ZNF445: variants seen among roughly 807,000 people sequenced by gnomAD.
The protein encoded by ZNF445 is zinc finger protein 168.
ZNF445 carries 19 observed loss-of-function variants against 93.9 expected under a neutral mutation model. The ratio of observed to expected loss-of-function variants is 0.20; its 90% CI spans 0.14 to 0.30. The LOEUF (loss-of-function observed/expected upper bound fraction) is 0.30, where lower values mean the gene tolerates loss of function less well. Ranked by LOEUF, ZNF445 falls within the 10% of genes least tolerant of loss-of-function variation. ZNF445 has a pLI of 1.00. For synonymous variants in ZNF445, 449 were observed against 446.3 expected, an observed-to-expected ratio of 1.01 and a Z score of -0.08; for missense variants, 1,058 against 1,259.4, an observed-to-expected ratio of 0.84 and a Z score of 2.42.
At chr3:44,454,810 C>A (rs191589767) in intron 3 of ZNF445, 2 of 376,556 alleles carry the variant, frequency 5.3e-6, no homozygotes, top group East Asian at 1.2e-4. Flanking sequence ...CTCAAGCAAT[C>A]CTCCCACCTC....
chr3:44,453,901 T>A (rs1156720612), intron 3 of ZNF445, among the ~76,000 whole-genome samples: 1 of 151,908 alleles, frequency 6.6e-6, no homozygotes, highest in Non-Finnish European at 1.5e-5. Context: ...GATGTTGAGG[T>A]TGTGGAATGA....
At chr3:44,456,750 G>A (rs537004925) in intron 2 of ZNF445, among the ~76,000 whole-genome samples, 9 of 152,124 alleles carry the variant, frequency 5.9e-5, no homozygotes, top group Admixed American at 2.0e-4. Context: ...TTGATTTTAC[G>A]ACCCAACAAT....
rs961543843 is a variant in ZNF445 at position 44,432,335 on chromosome 3, A to G, written c.*14240T>C. 4 of 151,910 alleles carry G rather than the reference A, an allele frequency of 2.6e-5. No homozygotes were observed. The highest frequency in any genetic ancestry group is 9.7e-5 in the African/African-American group (4 of 41,096). 9.4% of individuals were successfully genotyped at this position (151,910 alleles called of 1,614,324 possible). ...GATGGAGATAGAGAGAGAGGGATTT[A>G]TGAATTTATGATAAGGAATTGGCTT... On this transcript the variant is annotated 3_prime_UTR_variant, in exon 8 of 8. Transcript: ENST00000396077.
Position 44,447,281 on chromosome 3 carries a change from T to C in ZNF445, c.2390A>G (p.Lys797Arg), listed in dbSNP as rs899771493. The C allele has an allele frequency of 6.2e-7, 1 of 1,614,168 alleles. No homozygotes were observed. The highest frequency in any genetic ancestry group is 1.6e-4 in the Middle Eastern group (1 of 6,062). The change falls in exon 8 of 8, where the codon AAA becomes AGA. Residue 797 changes from lysine to arginine, a missense_variant. Transcript: ENST00000396077. The surrounding 1 kb of genome is among the most constrained non-coding windows in gnomAD (Gnocchi z 4.7). The part of the protein sequence containing the change: ...EKPYKCRECG[K>R]AFRWSSNLYR... Reference sequence around the variant, plus strand: ...GAGATTGGAACTCCATCTGAAGGCTTTCCCACACTCCCTGCACTTATATGG... The same window carrying C: ...GAGATTGGAACTCCATCTGAAGGCTCTCCCACACTCCCTGCACTTATATGG...
At position 44,446,228 on chromosome 3, in the gene ZNF445, T is replaced by C. The variant is rs1697875549; in HGVS notation, c.*347A>G. 3.6e-6 allele frequency: 1 copy of C among 274,236 alleles called. No homozygotes were observed. Among genetic ancestry groups the C allele is most frequent in the South Asian group, 4.6e-5 (1 of 21,964 alleles). The allele number at this position is 274,236 out of a possible 1,614,324, so 17.0% of individuals were successfully genotyped here. ...GCCCCTTTCCAGCAGCCATAGCCCA[T>C]GATGCCACAGATATTCTGTCCAACC... is the stretch of plus-strand genomic sequence containing the variant. On this transcript the variant is annotated 3_prime_UTR_variant, in exon 8 of 8. Transcript: ENST00000396077. The surrounding 1 kb of genome is among the most constrained non-coding windows in gnomAD (Gnocchi z 4.2).
In ZNF445 at chr3:44,439,890, T is replaced by G. The variant is rs911343973; in HGVS notation, c.*6685A>C. On this transcript the variant is annotated 3_prime_UTR_variant, in exon 8 of 8. Transcript: ENST00000396077. ...CAAGTGGCTCTGGTTTTTGTTGTGG[T>G]TATGAGAGCTCAGTGCATTTGACAG... The G allele has an allele frequency of 7.9e-5, 12 of 152,350 alleles. No individual in the cohort carries two copies. In the East Asian group the frequency reaches 2.3e-3, roughly 29 times the overall value. 9.4% of individuals were successfully genotyped at this position (152,350 alleles called of 1,614,324 possible). A position where few individuals can be genotyped will look rare whatever the true frequency, so the allele number is the denominator to read the frequency against.
chr3:44,454,247 A>G (rs1575311183), intron 3 of ZNF445, among the ~76,000 whole-genome samples: 1 of 151,910 alleles, frequency 6.6e-6, no homozygotes, highest in Non-Finnish European at 1.5e-5. Context: ...AGGAAGCTAC[A>G]TGGTGCCTGC....
chr3:44,477,358 G>A (rs1237903672), intron 1 of ZNF445, among the ~76,000 whole-genome samples: 2 of 152,176 alleles, frequency 1.3e-5, no homozygotes, highest in Admixed American at 6.5e-5. Context: ...GAGAAAGCCC[G>A]GAGAAACCCG....
At chr3:44,455,804 T>C (rs1203048942) in intron 2 of ZNF445, 108 bp from the exon 3 acceptor site, 2 of 423,842 alleles carry the variant, frequency 4.7e-6, no homozygotes, top group African/African-American at 2.0e-5. Context: ...CACAAAGGTA[T>C]ATGCCAGTAT....
rs1034721852 is a variant in ZNF445, at chr3:44,453,967, T to C, written c.429+1154A>G. Among the ~76,000 whole-genome samples, 16 of 152,104 alleles carry C rather than the reference T, an allele frequency of 1.1e-4. No homozygotes were observed. In the East Asian group the frequency reaches 2.5e-3, roughly 24 times the overall value. On this transcript the variant is annotated intron_variant, in intron 3 of 7. Transcript: ENST00000396077. The stretch of plus-strand genomic sequence containing the variant: ...GCCCAGCTCTGCCCCTCAGCACTCA[T>C]GACCATCTTCCCTGCCTCCCATCTC...
Position 44,447,886 on chromosome 3 carries a change from T to C in ZNF445, c.1785A>G (p.Lys595=). 6.2e-7 allele frequency: 1 copy of C among 1,613,748 alleles called. No homozygotes were observed. Among genetic ancestry groups the C allele is most frequent in the Admixed American group, 1.7e-5 (1 of 59,976 alleles). ...DHHLGDQSGE[K]LFDCSQCRKS... is the part of the protein sequence containing the mutation. ...TCCTGCACTGGCTGCAGTCAAAGAG[T>C]TTCTCCCCACTTTGGTCTCCCAAAT... Residue 595 remains lysine (K), a synonymous_variant, in exon 8 of 8, where the codon AAA becomes AAG. Coordinates refer to ENST00000396077, the MANE Select transcript of ZNF445 (RefSeq NM_181489.6). This position sits in a 1 kb window ranked among gnomAD's most constrained non-coding sequence, Gnocchi z 4.7.
chr3:44,460,381 C>T (rs892626854), intron 1 of ZNF445, among the ~76,000 whole-genome samples: 3 of 152,144 alleles, frequency 2.0e-5, no homozygotes, highest in African/African-American at 7.2e-5. Context: ...GACTAGATTG[C>T]CTTTGTAGGA....
At chr3:44,451,187 A>C in intron 4 of ZNF445, 127 bp downstream of exon 4, 11 of 1,242,970 alleles carry the variant, frequency 8.8e-6, no homozygotes, top group Non-Finnish European at 1.3e-5. Flanking sequence ...ATGGATGGAG[A>C]GGACAGAGAG....
chr3:44,460,127 T>C (rs1698090025), intron 1 of ZNF445, among the ~76,000 whole-genome samples: 5 of 152,216 alleles, frequency 3.3e-5, no homozygotes, highest in Admixed American at 3.3e-4. Flanking sequence ...GAGCACTCTG[T>C]AACATAACAT....
intron 1 of ZNF445, among the ~76,000 whole-genome samples, chr3:44,465,330 T>C (rs180971204): frequency 2.6e-5 from 4 of 152,296 alleles, no homozygotes; most frequent in Admixed American, 2.6e-4. Flanking sequence ...AAACTGAAGG[T>C]TTAAGCAAAG....
chr3:44,469,892 A>G (rs935939789), intron 1 of ZNF445, among the ~76,000 whole-genome samples: 1 of 152,240 alleles, frequency 6.6e-6, no homozygotes, highest in Admixed American at 6.5e-5. Flanking sequence ...TAAACCCAGC[A>G]AAGGTTGTGA....
At chr3:44,449,097 G>A (rs1697921060) in intron 7 of ZNF445, among the ~76,000 whole-genome samples, 1 of 152,188 alleles carries the variant, frequency 6.6e-6, no homozygotes, top group African/African-American at 2.4e-5. Context: ...TGAAAGGGCT[G>A]GAGATCAGCC....
intron 7 of ZNF445, among the ~76,000 whole-genome samples, chr3:44,449,152 T>G (rs983436921): frequency 6.6e-6 from 1 of 152,038 alleles, no homozygotes; most frequent in Non-Finnish European, 1.5e-5. Flanking sequence ...AGGAGTGGGA[T>G]GAGGGCTCCT....
Position 44,455,558 on chromosome 3 carries a change from T to C in ZNF445, c.-9A>G. ...CACCTGCCTGGAGGCATCACTCCTG[T>C]TCAGGGACTAACCAGAAGAGTGCGA... is the stretch of plus-strand genomic sequence containing the variant. On this transcript the variant is annotated 5_prime_UTR_variant, in exon 3 of 8. Coordinates refer to ENST00000396077, the MANE Select transcript of ZNF445 (RefSeq NM_181489.6). 6.3e-7 allele frequency: 1 copy of C among 1,579,104 alleles called. No homozygotes were observed. Among genetic ancestry groups the C allele is most frequent in the Non-Finnish European group, 8.6e-7 (1 of 1,164,010 alleles).
Sources: allele counts gnomAD v4.1 joint callset (sites outside exome capture counted in the v4.1 genomes callset), GRCh38; gene constraint gnomAD v4.1.1; non-coding constraint Gnocchi (gnomAD v3.1); transcripts MANE v1.5; gene names NCBI Gene and HGNC (gene_info 2026-07-23, HGNC 2026-07-21).